ACSM4: variants seen among roughly 807,000 people sequenced by gnomAD.
The protein encoded by ACSM4 is acyl-coenzyme A synthetase ACSM4, mitochondrial.
A neutral mutation model predicts 73.0 loss-of-function variants in ACSM4; 66 were observed. That is an observed-to-expected ratio of 0.90 (90% CI 0.74 to 1.11). The LOEUF (loss-of-function observed/expected upper bound fraction) is 1.11, where lower values mean the gene tolerates loss of function less well. Ranked by LOEUF, ACSM4 falls within the 50% of genes least tolerant of loss-of-function variation. ACSM4 has a pLI of 0.00. For synonymous variants in ACSM4, 222 were observed against 254.0 expected (o/e 0.87, Z 1.20); for missense variants, 645 against 714.4 (o/e 0.90, Z 1.11).
Position 7,317,080 on chromosome 12 carries a change from T to A in ACSM4, c.621-57T>A, listed in dbSNP as rs969389029. The A allele has an allele frequency of 5.7e-5, 89 of 1,558,144 alleles. 1 individual carries two copies. Among genetic ancestry groups the A allele is most frequent in the Middle Eastern group, 3.6e-4 (2 of 5,548 alleles). On this transcript the variant is annotated intron_variant, in intron 3 of 12. Transcript: ENST00000399422. ...CATAAGTAGTTGAGCAGAGGAAATA[T>A]CAGAGTCAAACTGGTCTGCCATCTT...
chr12:7,307,017 G>T (rs1285192166), intron 2 of ACSM4, among the ~76,000 whole-genome samples: 1 of 152,180 alleles, frequency 6.6e-6, no homozygotes, highest in Non-Finnish European at 1.5e-5. Flanking sequence ...TACTTTGGGA[G>T]AACGAAGCAG....
Position 7,317,255 on chromosome 12 carries a change from G to T in ACSM4, c.739G>T (p.Gly247Cys), listed in dbSNP as rs771329876. The T allele has an allele frequency of 2.5e-6, 4 of 1,585,382 alleles. No individual in the cohort carries two copies. Reference protein sequence around the residue: ...KMAQHSQSSLGIGFTLCGRYW... With the variant: ...KMAQHSQSSLCIGFTLCGRYW... ...GGCCCAGCACTCTCAGAGCAGCCTC[G>T]GCATTGGGTTCACCCTCTGCGGAAG... Residue 247 changes from glycine to cysteine, a missense_variant, in exon 4 of 13, where the codon GGC (glycine) becomes TGC (cysteine). Physicochemically the swap from Gly to Cys is radical, Grantham distance 159. Transcript: ENST00000399422.
chr12:7,323,398 A>C lies in ACSM4; in HGVS notation c.1207-61A>C. 3 of 1,596,604 alleles carry C rather than the reference A, an allele frequency of 1.9e-6. No homozygotes were observed. The South Asian group carries it at 3.3e-5, about 18-fold the overall frequency. On this transcript the variant is annotated intron_variant, in intron 8 of 12. Coordinates refer to ENST00000399422, the MANE Select transcript of ACSM4 (RefSeq NM_001080454.2). ...GCTATTCATTGCACAACTATTCATA[A>C]GCTGCTTTCATTTTTGTGAAAAGAA...
In ACSM4 at chr12:7,317,263, G is replaced by C. The variant is rs1390022563; in HGVS notation, c.747G>C (p.Gly249=). ...AQHSQSSLGI[G]FTLCGRYWLD... ...ACTCTCAGAGCAGCCTCGGCATTGG[G>C]TTCACCCTCTGCGGAAGGTAGGGAA... is the stretch of plus-strand genomic sequence containing the variant. Residue 249 remains glycine, a synonymous_variant, in exon 4 of 13, where the codon GGG becomes GGC. Coordinates refer to ENST00000399422, the MANE Select transcript of ACSM4 (RefSeq NM_001080454.2). The C allele has an allele frequency of 1.9e-6, 3 of 1,579,782 alleles. No homozygotes were observed. The South Asian group carries it at 3.5e-5, about 18-fold the overall frequency.
chr12:7,324,259 T>C lies in ACSM4; in HGVS notation c.1309-14T>C. 6.2e-7 allele frequency: 1 copy of C among 1,610,738 alleles called. No homozygotes were observed. The highest frequency in any genetic ancestry group is 8.5e-7 in the Non-Finnish European group (1 of 1,178,930). On this transcript the variant is annotated splice_polypyrimidine_tract_variant and intron_variant, in intron 9 of 12. Coordinates refer to ENST00000399422, the MANE Select transcript of ACSM4 (RefSeq NM_001080454.2). ...TGACCAGACTAATCCCCAAATGTCA[T>C]CCTTGGTTCCCAGGACAATCCACAG...
At chr12:7,317,069 C>T (rs1163519048) in intron 3 of ACSM4, 68 bp from the exon 4 acceptor site, 1 of 1,530,026 alleles carries the variant, frequency 6.5e-7, no homozygotes, top group Admixed American at 2.0e-5. Context: ...AGTAGTTGAG[C>T]AGAGGAAATA....
intron 2 of ACSM4, among the ~76,000 whole-genome samples, chr12:7,309,787 C>CTTGT (rs1019082099): frequency 6.6e-6 from 1 of 151,788 alleles, no homozygotes. Flanking sequence ...GTTTTTTTCT[C>CTTGT]TTGTTTGTTT....
At position 7,317,135 on chromosome 12, in the gene ACSM4, A is replaced by C; in HGVS notation, c.621-2A>C. On this transcript the variant is annotated splice_acceptor_variant, in intron 3 of 12. Coordinates refer to ENST00000399422, the MANE Select transcript of ACSM4 (RefSeq NM_001080454.2). LOFTEE classifies it high-confidence loss of function. ...CGCCATCTTGGGGTCCATATTTTGC[A>C]GATTCGCCTCTGAAGAGCACAGCTG... 6.2e-7 allele frequency: 1 copy of C among 1,607,964 alleles called. No homozygotes were observed. Among genetic ancestry groups the C allele is most frequent in the Non-Finnish European group, 8.5e-7 (1 of 1,177,664 alleles).
chr12:7,314,741 A>G (rs1363583810), intron 3 of ACSM4, among the ~76,000 whole-genome samples: 1 of 152,230 alleles, frequency 6.6e-6, no homozygotes, highest in Non-Finnish European at 1.5e-5. Flanking sequence ...AGATTCTGTG[A>G]AGAAATACCC....
At chr12:7,317,465 T>G (rs936928518) in intron 4 of ACSM4, among the ~76,000 whole-genome samples, 185 bp downstream of exon 4, 2 of 152,194 alleles carry the variant, frequency 1.3e-5, no homozygotes, top group African/African-American at 4.8e-5. Context: ...ACCAGCTGAT[T>G]AAGCAAAAGC....
At chr12:7,314,596 G>A (rs1356357112) in intron 3 of ACSM4, among the ~76,000 whole-genome samples, 3 of 151,752 alleles carry the variant, frequency 2.0e-5, no homozygotes, top group African/African-American at 7.3e-5. Flanking sequence ...AAGATAGGTA[G>A]GTAGATAGAT....
intron 2 of ACSM4, among the ~76,000 whole-genome samples, chr12:7,310,135 G>GT (rs1946382015): frequency 6.6e-6 from 1 of 152,190 alleles, no homozygotes; most frequent in Non-Finnish European, 1.5e-5. Context: ...CATGAAATGT[G>GT]TTATAAGCTG....
chr12:7,305,643 C>A (rs1946357624), intron 1 of ACSM4, among the ~76,000 whole-genome samples: 1 of 152,140 alleles, frequency 6.6e-6, no homozygotes, highest in Non-Finnish European at 1.5e-5. Context: ...GTTACATCCA[C>A]AGGGAAGAGA....
intron 11 of ACSM4, among the ~76,000 whole-genome samples, chr12:7,326,764 C>T (rs1946509242): frequency 6.6e-6 from 1 of 152,200 alleles, no homozygotes; most frequent in Non-Finnish European, 1.5e-5. Flanking sequence ...CTGCTGCACT[C>T]CTCACACTCA....
At position 7,327,549 on chromosome 12, in the gene ACSM4, C is replaced by T. The variant is rs114943622; in HGVS notation, c.1656+454C>T. 2.2e-3 allele frequency among the ~76,000 whole-genome samples: 338 copies of T among 152,242 alleles called. 2 individuals carry two copies. The highest frequency in any genetic ancestry group is 7.9e-3 in the African/African-American group (329 of 41,560). ...AGAAACTATGGAATCTTTCCTGAAA[C>T]CTTCTTCAAAGAAGGATTTAAGAAC... On this transcript the variant is annotated intron_variant, in intron 12 of 12. Coordinates refer to ENST00000399422, the MANE Select transcript of ACSM4 (RefSeq NM_001080454.2).
intron 9 of ACSM4, 91 bp downstream of exon 9, chr12:7,323,651 C>A: frequency 8.7e-7 from 1 of 1,146,002 alleles, no homozygotes; most frequent in Non-Finnish European, 1.3e-6. Context: ...CTTGGGCAAG[C>A]AACAAAATCT....
At chr12:7,317,907 T>C in intron 4 of ACSM4, 119 bp from the exon 5 acceptor site, 1 of 1,119,582 alleles carries the variant, frequency 8.9e-7, no homozygotes, top group East Asian at 2.7e-5. Flanking sequence ...CTGGGGCTTC[T>C]TTTGACCCTT....
At chr12:7,326,147 T>A (rs765538194) in intron 11 of ACSM4, among the ~76,000 whole-genome samples, 1 of 152,148 alleles carries the variant, frequency 6.6e-6, no homozygotes, top group Non-Finnish European at 1.5e-5. Flanking sequence ...GCAAACAATA[T>A]GAGGCAAAAA....
Position 7,306,673 on chromosome 12 carries a change from A to ATCCGTTG in ACSM4, c.342_343insTCCGTTG (p.Asp115SerfsTer14). The ATCCGTTG allele has an allele frequency of 6.2e-7, 1 of 1,611,462 alleles. No homozygotes were observed. Among genetic ancestry groups the ATCCGTTG allele is most frequent in the Non-Finnish European group, 8.5e-7 (1 of 1,178,942 alleles). ...CCAAGCCCTGTGGCCTGCAGAGAGG[A>ATCCGTTG]GACCGTTTGGCCGTGATTCTGCCCA... is the stretch of plus-strand genomic sequence containing the variant. On this transcript the variant is annotated frameshift_variant, in exon 2 of 13. Coordinates refer to ENST00000399422, the MANE Select transcript of ACSM4 (RefSeq NM_001080454.2). LOFTEE classifies it high-confidence loss of function.
Sources: allele counts gnomAD v4.1 joint callset (sites outside exome capture counted in the v4.1 genomes callset), GRCh38; gene constraint gnomAD v4.1.1; transcripts MANE v1.5; gene names NCBI Gene and HGNC (gene_info 2026-07-23, HGNC 2026-07-21).